Variants in DNER observed in about 807,000 individuals in gnomAD.
DNER encodes delta and Notch-like epidermal growth factor-related receptor.
Under a neutral mutation model 78.2 loss-of-function variants are expected in DNER, and 33 were observed. The ratio of observed to expected loss-of-function variants is 0.42; its 90% CI spans 0.32 to 0.56. The LOEUF is 0.56. Ranked by LOEUF, DNER falls within the 20% of genes least tolerant of loss-of-function variation. DNER has a pLI of 0.11. For synonymous variants in DNER, 417 were observed against 384.8 expected (o/e 1.08, Z -0.98); for missense variants, 918 against 975.3 (o/e 0.94, Z 0.78).
intron 7 of DNER, among the ~76,000 whole-genome samples, chr2:229,455,695 C>T (rs1265295847): frequency 6.6e-6 from 1 of 151,990 alleles, no homozygotes; most frequent in Non-Finnish European, 1.5e-5. Flanking sequence ...TAGGAGTGTC[C>T]CTGAGAACAT....
intron 9 of DNER, among the ~76,000 whole-genome samples, chr2:229,408,787 G>A (rs1460586986): frequency 1.3e-5 from 2 of 152,166 alleles, no homozygotes; most frequent in Admixed American, 6.5e-5. Flanking sequence ...TGACTTATTT[G>A]AGCCAGGTAA....
chr2:229,626,139 G>T (rs1371747636), intron 1 of DNER, among the ~76,000 whole-genome samples: 1 of 151,944 alleles, frequency 6.6e-6, no homozygotes, highest in Non-Finnish European at 1.5e-5. Context: ...CAAGATGGTC[G>T]CGATCTCCCG....
intron 4 of DNER, among the ~76,000 whole-genome samples, chr2:229,557,504 C>T (rs1027759219): frequency 6.6e-6 from 1 of 152,138 alleles, no homozygotes. Flanking sequence ...TTTGTCAACA[C>T]CTGCATTCCC....
At chr2:229,431,771 A>G (rs1300976953) in intron 8 of DNER, among the ~76,000 whole-genome samples, 1 of 151,744 alleles carries the variant, frequency 6.6e-6, no homozygotes, top group African/African-American at 2.4e-5. Context: ...TGTACCCTAA[A>G]ACTTAAAGTA....
intron 8 of DNER, among the ~76,000 whole-genome samples, chr2:229,429,066 T>G (rs1314479256): frequency 6.6e-6 from 1 of 152,072 alleles, no homozygotes; most frequent in Non-Finnish European, 1.5e-5. Context: ...GAGTGATGTC[T>G]CCAACTGGCG....
At chr2:229,395,588 A>T (rs529174230) in intron 10 of DNER, among the ~76,000 whole-genome samples, 4 of 152,298 alleles carry the variant, frequency 2.6e-5, no homozygotes, top group African/African-American at 9.6e-5. Context: ...CAGCCCTACA[A>T]ACTGCATGCT....
chr2:229,620,150 C>G (rs561250446), intron 1 of DNER, among the ~76,000 whole-genome samples: 2 of 152,044 alleles, frequency 1.3e-5, no homozygotes, highest in East Asian at 3.8e-4. Context: ...GTGGGTGTCG[C>G]GGAAGAACGG....
At chr2:229,526,587 A>C (rs746830532) in intron 5 of DNER, among the ~76,000 whole-genome samples, 1 of 152,204 alleles carries the variant, frequency 6.6e-6, no homozygotes, top group Non-Finnish European at 1.5e-5. Flanking sequence ...AGATCCTCAT[A>C]AGGAGTGCAC....
At chr2:229,471,883 C>A (rs1015157009) in intron 7 of DNER, among the ~76,000 whole-genome samples, 2 of 152,112 alleles carry the variant, frequency 1.3e-5, no homozygotes, top group Non-Finnish European at 2.9e-5. Context: ...GCAGTGTGAC[C>A]CCAAACCACA....
chr2:229,549,429 C>T (rs1468826397), intron 4 of DNER, among the ~76,000 whole-genome samples: 1 of 152,142 alleles, frequency 6.6e-6, no homozygotes, highest in East Asian at 1.9e-4. Flanking sequence ...CCTCAGCCTG[C>T]CAAGTAGCTG....
chr2:229,491,605 C>T (rs1008138000), intron 6 of DNER, among the ~76,000 whole-genome samples: 7 of 152,226 alleles, frequency 4.6e-5, no homozygotes, highest in African/African-American at 1.7e-4. Flanking sequence ...TCAGTCTCTT[C>T]ACAAACATTT....
At chr2:229,621,309 A>G (rs1254398740) in intron 1 of DNER, among the ~76,000 whole-genome samples, 1 of 152,206 alleles carries the variant, frequency 6.6e-6, no homozygotes, top group Non-Finnish European at 1.5e-5. Flanking sequence ...CCTAAAGCAC[A>G]GCGTTGAAAA....
At chr2:229,549,737 C>T (rs1036384542) in intron 4 of DNER, among the ~76,000 whole-genome samples, 1 of 151,938 alleles carries the variant, frequency 6.6e-6, no homozygotes, top group African/African-American at 2.4e-5. Flanking sequence ...TGGTGAAACC[C>T]CCATCTCTAC....
At chr2:229,496,060 TTTAAAGAGA>T in intron 6 of DNER, among the ~76,000 whole-genome samples, 2 of 152,172 alleles carry the variant, frequency 1.3e-5, no homozygotes, top group African/African-American at 4.8e-5. Context: ...CTTACAGTCT[TTTAAAGAGA>T]CCTCAAAGCT....
At chr2:229,490,791 C>T (rs1475923402) in intron 6 of DNER, among the ~76,000 whole-genome samples, 1 of 152,178 alleles carries the variant, frequency 6.6e-6, no homozygotes, top group Non-Finnish European at 1.5e-5. Flanking sequence ...TCACAACTCT[C>T]CACTTCCACT....
rs1187743187 is a variant in DNER at position 229,585,876 on chromosome 2, C to G, written c.829G>C (p.Gly277Arg). Residue 277 changes from glycine (G) to arginine (R), a missense_variant, in exon 4 of 13, where the codon GGG becomes CGG. Gly to Arg is a moderately radical substitution (Grantham distance 125). Coordinates refer to ENST00000341772, the MANE Select transcript of DNER (RefSeq NM_139072.4). Reference sequence around the variant, plus strand: ...AACTCACCAATAAAGTGATTATTCCCCAAGGCGAGCATCTCCTCCAGGAGG... The same window carrying G: ...AACTCACCAATAAAGTGATTATTCCGCAAGGCGAGCATCTCCTCCAGGAGG... ...LVLLEEMLAL[G>R]NNHFIGFVND... 1.2e-6 allele frequency: 2 copies of G among 1,613,586 alleles called. No individual in the cohort carries two copies. Among genetic ancestry groups the G allele is most frequent in the Non-Finnish European group, 1.7e-6 (2 of 1,179,928 alleles).
intron 1 of DNER, among the ~76,000 whole-genome samples, chr2:229,654,301 A>G (rs1400845161): frequency 6.6e-6 from 1 of 152,188 alleles, no homozygotes; most frequent in African/African-American, 2.4e-5. Flanking sequence ...ATTACTGGGT[A>G]TATACTGAAA....
intron 1 of DNER, among the ~76,000 whole-genome samples, chr2:229,702,655 C>T (rs1018920063): frequency 3.3e-5 from 5 of 152,096 alleles, no homozygotes; most frequent in South Asian, 2.1e-4. Flanking sequence ...CGGTGGCTCA[C>T]GCCTGTAATC....
intron 9 of DNER, 96 bp downstream of exon 9, chr2:229,418,012 A>C (rs1265003112): frequency 6.3e-7 from 1 of 1,582,692 alleles, no homozygotes. Context: ...ATTCTGAACA[A>C]TTCATGGTCC....
Sources: gnomAD v4.1 joint callset for allele counts (sites outside exome capture counted in the v4.1 genomes callset) on GRCh38, gnomAD v4.1.1 for gene constraint, MANE v1.5 for transcripts, NCBI Gene and HGNC (gene_info 2026-07-23, HGNC 2026-07-21) for gene names.